TCERG1L: variants seen among roughly 807,000 people sequenced by gnomAD.
The protein encoded by TCERG1L is transcription elongation regulator 1 like.
Under a neutral mutation model 56.3 loss-of-function variants are expected in TCERG1L, and 37 were observed. That is an observed-to-expected ratio of 0.66 (90% CI 0.51 to 0.87). TCERG1L has a LOEUF of 0.87. Among genes scored for constraint, TCERG1L ranks in the 40% least tolerant of loss-of-function variants. The pLI is 0.00. For synonymous variants in TCERG1L, 324 were observed against 326.3 expected, an observed-to-expected ratio of 0.99 and a Z score of 0.08; for missense variants, 799 against 774.2, an observed-to-expected ratio of 1.03 and a Z score of -0.38.
At chr10:131,182,602 G>A (rs1845192469) in intron 4 of TCERG1L, among the ~76,000 whole-genome samples, 1 of 152,168 alleles carries the variant, frequency 6.6e-6, no homozygotes. Flanking sequence ...CAGAAGAACT[G>A]TATGGATCCC....
intron 4 of TCERG1L, among the ~76,000 whole-genome samples, chr10:131,235,557 A>T (rs1188898683): frequency 6.6e-6 from 1 of 152,080 alleles, no homozygotes; most frequent in Non-Finnish European, 1.5e-5. Context: ...AATTTAGTAA[A>T]GCATGACAGC....
intron 6 of TCERG1L, among the ~76,000 whole-genome samples, chr10:131,151,172 C>T (rs916022766): frequency 1.3e-5 from 2 of 152,184 alleles, no homozygotes; most frequent in African/African-American, 4.8e-5. Flanking sequence ...ATTTCAAAAC[C>T]AATCATGCCT....
intron 4 of TCERG1L, among the ~76,000 whole-genome samples, chr10:131,192,882 G>A (rs535148217): frequency 9.6e-6 from 1 of 104,386 alleles, no homozygotes; most frequent in East Asian, 2.0e-4. Flanking sequence ...AGGAGCTGAG[G>A]GACAAAAAAA....
At chr10:131,186,079 A>G (rs533861456) in intron 4 of TCERG1L, among the ~76,000 whole-genome samples, 9 of 152,346 alleles carry the variant, frequency 5.9e-5, no homozygotes, top group African/African-American at 2.2e-4. Context: ...CCCCGAAGAC[A>G]TTATCTTAAG....
At chr10:131,172,888 ATTT>A (rs3065371) in intron 4 of TCERG1L, among the ~76,000 whole-genome samples, 2 of 135,440 alleles carry the variant, frequency 1.5e-5, no homozygotes, top group African/African-American at 2.8e-5. Context: ...ATAATCAATG[ATTT>A]TTTTTTTTTT....
intron 3 of TCERG1L, among the ~76,000 whole-genome samples, chr10:131,290,507 T>A (rs1268031289): frequency 6.6e-6 from 1 of 151,896 alleles, no homozygotes; most frequent in Admixed American, 6.6e-5. Context: ...GGCGGGTGCC[T>A]GTAATCCAAG....
Position 131,260,493 on chromosome 10 carries a change from G to T in TCERG1L, c.671-49C>A. ...TCAGCAAGGGGACGACCAGGGCCATGGGTGACAGATGCCCATCTCGCTACC... is the reference window on the plus strand; with the variant it reads ...TCAGCAAGGGGACGACCAGGGCCATTGGTGACAGATGCCCATCTCGCTACC... On this transcript the variant is annotated intron_variant, in intron 3 of 11. Transcript: ENST00000368642. This position sits in a 1 kb window ranked among gnomAD's most constrained non-coding sequence, Gnocchi z 5.8. The T allele has an allele frequency of 7.4e-7, 1 of 1,347,638 alleles. No homozygotes were observed. Among genetic ancestry groups the T allele is most frequent in the Non-Finnish European group, 9.6e-7 (1 of 1,046,040 alleles). The allele number at this position is 1,347,638 out of a possible 1,614,324, so 83.5% of individuals were successfully genotyped here.
chr10:131,117,598 C>T (rs1343612566), intron 8 of TCERG1L, among the ~76,000 whole-genome samples: 2 of 152,204 alleles, frequency 1.3e-5, no homozygotes, highest in East Asian at 1.9e-4. Flanking sequence ...CTGTGGGCAG[C>T]AGCAGGAGCT....
chr10:131,195,521 C>G (rs538738242), intron 4 of TCERG1L, among the ~76,000 whole-genome samples: 1 of 152,332 alleles, frequency 6.6e-6, no homozygotes, highest in South Asian at 2.1e-4. Flanking sequence ...CTCCTTGCTG[C>G]TCTTCCCAAT....
intron 8 of TCERG1L, among the ~76,000 whole-genome samples, chr10:131,134,068 T>C (rs1353016364): frequency 6.6e-6 from 1 of 152,166 alleles, no homozygotes; most frequent in Non-Finnish European, 1.5e-5. Context: ...GCACCTCCTA[T>C]GCACCTGGCC....
intron 4 of TCERG1L, among the ~76,000 whole-genome samples, chr10:131,172,438 C>G (rs1286294063): frequency 2.0e-5 from 3 of 152,242 alleles, no homozygotes; most frequent in African/African-American, 7.2e-5. Flanking sequence ...TGGAACTAGG[C>G]AGGAAATCTC....
chr10:131,143,813 T>C (rs1428162447), intron 7 of TCERG1L, among the ~76,000 whole-genome samples: 2 of 152,142 alleles, frequency 1.3e-5, no homozygotes, highest in African/African-American at 4.8e-5. Context: ...TCTACTGGCA[T>C]TTATTCTCAA....
chr10:131,189,605 A>G (rs912726579), intron 4 of TCERG1L, among the ~76,000 whole-genome samples: 9 of 152,078 alleles, frequency 5.9e-5, no homozygotes, highest in Non-Finnish European at 1.2e-4. Flanking sequence ...GGTTGATTCC[A>G]TATCTTTGTT....
In TCERG1L at chr10:131,170,156, T is replaced by C. The variant is rs77035899; in HGVS notation, c.857-3271A>G. 8.0e-3 allele frequency among the ~76,000 whole-genome samples: 1,224 copies of C among 152,226 alleles called. 19 individuals carry two copies. The highest frequency in any genetic ancestry group is 0.028 in the African/African-American group (1,165 of 41,534). Reference sequence around the variant, plus strand: ...ACAGTCATTGATTTTGCAGGTACCTTGGAGGTGTGTGGGTGGCACCAGGGG... The same window carrying C: ...ACAGTCATTGATTTTGCAGGTACCTCGGAGGTGTGTGGGTGGCACCAGGGG... On this transcript the variant is annotated intron_variant, in intron 4 of 11. Transcript: ENST00000368642.
At chr10:131,192,447 T>C (rs1165054381) in intron 4 of TCERG1L, among the ~76,000 whole-genome samples, 3 of 144,342 alleles carry the variant, frequency 2.1e-5, no homozygotes, top group Admixed American at 6.9e-5. Flanking sequence ...ATGGAAACAG[T>C]ATGGAGATTC....
intron 3 of TCERG1L, among the ~76,000 whole-genome samples, chr10:131,299,624 G>C (rs1450633781): frequency 6.7e-6 from 1 of 149,796 alleles, no homozygotes; most frequent in South Asian, 2.1e-4. Context: ...GTCAATTTGA[G>C]GAAGTCCCCT....
At chr10:131,278,196 C>G (rs923860224) in intron 3 of TCERG1L, among the ~76,000 whole-genome samples, 1 of 152,038 alleles carries the variant, frequency 6.6e-6, no homozygotes, top group African/African-American at 2.4e-5. Flanking sequence ...TGACCCCGGC[C>G]GAGTCGCATC....
intron 8 of TCERG1L, among the ~76,000 whole-genome samples, chr10:131,120,362 T>C (rs542894298): frequency 1.3e-5 from 2 of 152,324 alleles, no homozygotes; most frequent in East Asian, 3.9e-4. Flanking sequence ...CAAGACACTT[T>C]AATGATCCAT....
chr10:131,168,147 A>G (rs1846051289), intron 4 of TCERG1L, among the ~76,000 whole-genome samples: 1 of 152,196 alleles, frequency 6.6e-6, no homozygotes, highest in Non-Finnish European at 1.5e-5. Context: ...ATCACTTTAT[A>G]CGTGTGTGCA....
Sources: allele counts gnomAD v4.1 joint callset (sites outside exome capture counted in the v4.1 genomes callset), GRCh38; gene constraint gnomAD v4.1.1; non-coding constraint Gnocchi (gnomAD v3.1); transcripts MANE v1.5; gene names NCBI Gene and HGNC (gene_info 2026-07-23, HGNC 2026-07-21).